Variants in HIP1 observed in about 807,000 individuals in gnomAD.
HIP1 encodes huntingtin interacting protein 1.
Under a neutral mutation model 147.6 loss-of-function variants are expected in HIP1, and 65 were observed. The ratio of observed to expected loss-of-function variants is 0.44; its 90% CI spans 0.36 to 0.54. The LOEUF (loss-of-function observed/expected upper bound fraction) is 0.54, where lower values mean the gene tolerates loss of function less well. Among genes scored for constraint, HIP1 ranks in the 20% least tolerant of loss-of-function variants. The pLI is 0.00. For missense variants in HIP1, 1,061 were observed against 1,299.6 expected (o/e 0.82, Z 2.82); for synonymous variants, 479 against 504.0 (o/e 0.95, Z 0.67).
intron 1 of HIP1, among the ~76,000 whole-genome samples, chr7:75,628,712 C>G (rs989597976): frequency 6.6e-6 from 1 of 152,212 alleles, no homozygotes. Context: ...TTCCTGACCT[C>G]AAGTGATCCA....
intron 1 of HIP1, chr7:75,611,626 C>T (rs1227038059): frequency 5.9e-6 from 6 of 1,008,682 alleles, no homozygotes; most frequent in Non-Finnish European, 7.2e-6. Context: ...GGGGCCCCTC[C>T]CAGCACCAAG....
intron 1 of HIP1, among the ~76,000 whole-genome samples, chr7:75,720,241 A>T (rs1345232538): frequency 6.6e-6 from 1 of 151,852 alleles, no homozygotes; most frequent in Non-Finnish European, 1.5e-5. Flanking sequence ...GCTCACTGCA[A>T]CCTCCGCCTC....
intron 1 of HIP1, among the ~76,000 whole-genome samples, chr7:75,628,730 T>A (rs1199282981): frequency 6.6e-6 from 1 of 152,212 alleles, no homozygotes; most frequent in African/African-American, 2.4e-5. Context: ...CCACCTGCCT[T>A]GGCCTCCCAA....
chr7:75,719,656 A>C (rs1801441032), intron 1 of HIP1, among the ~76,000 whole-genome samples: 1 of 152,122 alleles, frequency 6.6e-6, no homozygotes, highest in Non-Finnish European at 1.5e-5. Flanking sequence ...CCTGGGCTCA[A>C]GTGATCCACT....
chr7:75,571,402 C>G (rs944345994), intron 8 of HIP1, among the ~76,000 whole-genome samples: 1 of 152,164 alleles, frequency 6.6e-6, no homozygotes, highest in Admixed American at 6.5e-5. Context: ...TTCAGGCAGG[C>G]CTACTTGCCG....
intron 28 of HIP1, 35 bp downstream of exon 28, chr7:75,542,816 G>A (rs782224735): frequency 1.6e-5 from 26 of 1,610,840 alleles, no homozygotes; most frequent in African/African-American, 2.7e-5. Context: ...AGCTCAACAG[G>A]GTGGGTAAGA....
intron 1 of HIP1, among the ~76,000 whole-genome samples, chr7:75,674,620 G>A (rs1358785225): frequency 3.3e-5 from 5 of 151,842 alleles, no homozygotes; most frequent in African/African-American, 1.2e-4. Flanking sequence ...AGCCTCCCGA[G>A]TAGCTGGGAC....
At chr7:75,655,076 T>C (rs527825410) in intron 1 of HIP1, among the ~76,000 whole-genome samples, 2 of 152,330 alleles carry the variant, frequency 1.3e-5, no homozygotes, top group African/African-American at 4.8e-5. Flanking sequence ...AGCAGGGACT[T>C]AAACAAATAC....
intron 1 of HIP1, among the ~76,000 whole-genome samples, chr7:75,650,682 G>C (rs947409786): frequency 1.1e-4 from 17 of 151,790 alleles, no homozygotes; most frequent in African/African-American, 4.1e-4. Context: ...CAAACTCCTC[G>C]GCCTCCCAAG....
intron 1 of HIP1, among the ~76,000 whole-genome samples, chr7:75,711,741 A>C (rs1801171380): frequency 6.6e-6 from 1 of 152,212 alleles, no homozygotes; most frequent in South Asian, 2.1e-4. Context: ...TCTCTGAGGT[A>C]TGCCCTCTTT....
rs587731981 is a variant in HIP1 at position 75,565,965 on chromosome 7, C to T, written c.803+2234G>A. 3.3e-5 allele frequency among the ~76,000 whole-genome samples: 5 copies of T among 151,264 alleles called. 1 individual carries two copies. The highest frequency in any genetic ancestry group is 2.1e-4 in the South Asian group (1 of 4,820). On this transcript the variant is annotated intron_variant, in intron 9 of 30. Coordinates refer to ENST00000336926, the MANE Select transcript of HIP1 (RefSeq NM_005338.7). ...CTGACCTCAAGCGATCCACTTGCTTCGGCCTCCCAAAGTGCTGGGATTACA... is the reference window on the plus strand; with the variant it reads ...CTGACCTCAAGCGATCCACTTGCTTTGGCCTCCCAAAGTGCTGGGATTACA...
At chr7:75,729,174 A>AAAG (rs1172927411) in intron 1 of HIP1, among the ~76,000 whole-genome samples, 3 of 151,228 alleles carry the variant, frequency 2.0e-5, no homozygotes, top group Non-Finnish European at 3.0e-5. Flanking sequence ...AAAAAAAAAA[A>AAAG]AAGAAGAAGC....
Position 75,535,224 on chromosome 7 carries a change from T to C in HIP1, c.*2948A>G. 1 of 211,218 alleles carries C rather than the reference T, an allele frequency of 4.7e-6. No individual in the cohort carries two copies. The highest frequency in any genetic ancestry group is 1.9e-4 in the South Asian group (1 of 5,344). The allele number at this position is 211,218 out of a possible 1,614,324, so 13.1% of individuals were successfully genotyped here. On this transcript the variant is annotated 3_prime_UTR_variant, in exon 31 of 31. Transcript: ENST00000336926. ...TTTAAACATTTCTGTGGCTTCTTTT[T>C]AGAGACAGGATCATTCAGATAATTT... is the stretch of plus-strand genomic sequence containing the variant.
intron 2 of HIP1, among the ~76,000 whole-genome samples, chr7:75,595,283 C>CCTTCCTTCCTTTCTTTTTCTCT (rs1554501698): frequency 5.4e-4 from 45 of 83,410 alleles, no homozygotes; most frequent in Admixed American, 1.4e-3. Flanking sequence ...TTCCTTCCTT[C>CCTTCCTTCCTTTCTTTTTCTCT]CTTTCTTTCT....
At chr7:75,612,474 A>T (rs914666778) in intron 1 of HIP1, among the ~76,000 whole-genome samples, 1 of 151,478 alleles carries the variant, frequency 6.6e-6, no homozygotes. Context: ...GCGCCACTGC[A>T]CTCCAGCCTG....
rs1794154593 is a variant in HIP1, at chr7:75,538,098, C to T, written c.*74G>A. 4 of 1,279,690 alleles carry T rather than the reference C, an allele frequency of 3.1e-6. No homozygotes were observed. In the East Asian group the frequency reaches 9.2e-5, roughly 30 times the overall value. The allele number at this position is 1,279,690 out of a possible 1,614,324, so 79.3% of individuals were successfully genotyped here. ...GCCCCTGGGACTCCAAGGATTTGGC[C>T]TGTGGCTGGGGAAATAACACACACG... On this transcript the variant is annotated 3_prime_UTR_variant, in exon 31 of 31. Transcript: ENST00000336926.
intron 1 of HIP1, among the ~76,000 whole-genome samples, chr7:75,634,214 C>A (rs1197986538): frequency 1.3e-5 from 2 of 151,804 alleles, no homozygotes; most frequent in East Asian, 3.9e-4. Context: ...GAGCTGTGAT[C>A]GCACCACTGC....
chr7:75,624,412 G>C (rs1397822851), intron 1 of HIP1, among the ~76,000 whole-genome samples: 1 of 152,168 alleles, frequency 6.6e-6, no homozygotes, highest in Non-Finnish European at 1.5e-5. Flanking sequence ...TTGGGGTGAA[G>C]AAGAGCCCTT....
At chr7:75,600,199 C>T (rs1248469680) in intron 1 of HIP1, among the ~76,000 whole-genome samples, 1 of 152,046 alleles carries the variant, frequency 6.6e-6, no homozygotes, top group Non-Finnish European at 1.5e-5. Context: ...CAACCCCTGC[C>T]TCCTGTGTTA....
Sources: allele counts gnomAD v4.1 joint callset (sites outside exome capture counted in the v4.1 genomes callset), GRCh38; gene constraint gnomAD v4.1.1; transcripts MANE v1.5; gene names NCBI Gene and HGNC (gene_info 2026-07-23, HGNC 2026-07-21).